MAP6: variants seen among roughly 807,000 people sequenced by gnomAD.
MAP6 encodes microtubule associated protein 6.
A neutral mutation model predicts 42.4 loss-of-function variants in MAP6; 26 were observed. The ratio of observed to expected loss-of-function variants is 0.61; its 90% confidence interval spans 0.45 to 0.85. MAP6 has a LOEUF of 0.85. MAP6 is among the 40% of genes least tolerant of loss of function. The pLI is 0.00. For missense variants in MAP6, 966 were observed against 1,099.0 expected, an observed-to-expected ratio of 0.88 and a Z score of 1.71; for synonymous variants, 418 against 443.8, an observed-to-expected ratio of 0.94 and a Z score of 0.73.
intron 1 of MAP6, among the ~76,000 whole-genome samples, chr11:75,630,082 G>A (rs1179509757): frequency 1.3e-5 from 2 of 152,188 alleles, no homozygotes; most frequent in Non-Finnish European, 2.9e-5. Context: ...ATGTGCTGCT[G>A]TAACTATCAT....
intron 3 of MAP6, among the ~76,000 whole-genome samples, chr11:75,589,235 C>A (rs1420206943): frequency 6.6e-6 from 1 of 152,230 alleles, no homozygotes; most frequent in African/African-American, 2.4e-5. Context: ...GTTCCCTCGC[C>A]TCACTGTGGC....
chr11:75,641,736 A>G (rs1247417898), intron 1 of MAP6, among the ~76,000 whole-genome samples: 1 of 152,238 alleles, frequency 6.6e-6, no homozygotes, highest in Non-Finnish European at 1.5e-5. Context: ...TTAAGCTTCC[A>G]GGTGAAGCTA....
At chr11:75,643,062 T>C (rs1943500428) in intron 1 of MAP6, among the ~76,000 whole-genome samples, 1 of 152,148 alleles carries the variant, frequency 6.6e-6, no homozygotes, top group African/African-American at 2.4e-5. Context: ...AGTAGAAATA[T>C]AAAAACTGAT....
intron 1 of MAP6, among the ~76,000 whole-genome samples, chr11:75,640,994 A>G (rs1247096457): frequency 6.6e-6 from 1 of 152,192 alleles, no homozygotes; most frequent in Non-Finnish European, 1.5e-5. Context: ...GTATATACCC[A>G]AAGGATTATA....
chr11:75,648,646 G>A (rs1319476246), intron 1 of MAP6, among the ~76,000 whole-genome samples: 1 of 152,074 alleles, frequency 6.6e-6, no homozygotes, highest in African/African-American at 2.4e-5. Flanking sequence ...ACACTAAAAT[G>A]AAAAATTTCT....
Position 75,651,651 on chromosome 11 carries a change from A to C in MAP6, c.905+15814T>G, listed in dbSNP as rs556217371. Among the ~76,000 whole-genome samples the C allele has an allele frequency of 3.3e-5, 5 of 152,348 alleles. No individual in the cohort carries two copies. The East Asian group carries it at 9.6e-4, about 29-fold the overall frequency. ...CTTGCGTTCTTGGTTGCTATGAGAG[A>C]TTGGCTGGTTATCCATTATATATAA... On this transcript the variant is annotated intron_variant, in intron 1 of 3. Coordinates refer to ENST00000304771, the MANE Select transcript of MAP6 (RefSeq NM_033063.2).
At chr11:75,637,058 C>T (rs1233508780) in intron 1 of MAP6, among the ~76,000 whole-genome samples, 1 of 152,208 alleles carries the variant, frequency 6.6e-6, no homozygotes, top group Non-Finnish European at 1.5e-5. Flanking sequence ...CCCTTTTCAA[C>T]AGCTATTAAT....
intron 1 of MAP6, among the ~76,000 whole-genome samples, chr11:75,645,955 G>T (rs528941468): frequency 6.6e-6 from 1 of 151,704 alleles, no homozygotes; most frequent in South Asian, 2.1e-4. Flanking sequence ...CTAGGGGAAA[G>T]AATAGAGAAA....
At position 75,667,694 on chromosome 11, in the gene MAP6, C is replaced by G; in HGVS notation, c.676G>C (p.Ala226Pro). 1.6e-6 allele frequency: 2 copies of G among 1,278,698 alleles called. No individual in the cohort carries two copies. Among genetic ancestry groups the G allele is most frequent in the Non-Finnish European group, 2.0e-6 (2 of 1,016,592 alleles). 79.2% of individuals were successfully genotyped at this position (1,278,698 alleles called of 1,614,324 possible). A position where few individuals can be genotyped will look rare whatever the true frequency, so the allele number is the denominator to read the frequency against. ...TCCGCCCCGGACGCCTTTCCGGCCG[C>G]CAGGCCACCCGCTCCGCCGGGGGCC... is the stretch of plus-strand genomic sequence containing the variant. Reference protein sequence around the residue: ...EAAPGGAGGLAAGKASGADER... With the variant: ...EAAPGGAGGLPAGKASGADER... The change falls in exon 1 of 4, where the codon GCG becomes CCG. Residue 226 changes from alanine (A) to proline (P), a missense_variant. By Grantham distance (27) the Ala-to-Pro change is conservative. Transcript: ENST00000304771. This position sits in a 1 kb window ranked among gnomAD's most constrained non-coding sequence, Gnocchi z 5.6.
chr11:75,602,612 T>C (rs1438635187), intron 3 of MAP6, among the ~76,000 whole-genome samples: 6 of 152,168 alleles, frequency 3.9e-5, no homozygotes, highest in Admixed American at 1.3e-4. Context: ...CCCGGCAACA[T>C]TGGATCAAAA....
At chr11:75,632,460 T>G (rs1202280962) in intron 1 of MAP6, among the ~76,000 whole-genome samples, 1 of 152,180 alleles carries the variant, frequency 6.6e-6, no homozygotes, top group Non-Finnish European at 1.5e-5. Context: ...TGAACTACTT[T>G]GTATGCCTTC....
chr11:75,587,652 C>G lies in MAP6; in HGVS notation c.1849G>C (p.Glu617Gln), dbSNP rs1942382854. 6.2e-7 allele frequency: 1 copy of G among 1,612,978 alleles called. No homozygotes were observed. The change falls in exon 4 of 4, where the codon GAA becomes CAA. Residue 617 changes from glutamate (E) to glutamine (Q), a missense_variant. Glu to Gln is a conservative substitution (Grantham distance 29, BLOSUM62 2). Transcript: ENST00000304771. The part of the protein sequence containing the change: ...GPIVPAPVKG[E>Q]GPIVPAPVKD... ...ACAGGTGCTGGGACTATGGGACCTT[C>G]ACCCTTGACAGGTGCTGGGACTATG...
intron 1 of MAP6, among the ~76,000 whole-genome samples, chr11:75,625,866 G>T (rs1261518167): frequency 6.6e-6 from 1 of 152,120 alleles, no homozygotes; most frequent in African/African-American, 2.4e-5. Context: ...TCCTCATCTG[G>T]AGGATCAAGG....
Position 75,667,451 on chromosome 11 carries a change from C to T in MAP6, c.905+14G>A, listed in dbSNP as rs1943968339. The T allele has an allele frequency of 3.4e-6, 5 of 1,468,578 alleles. No homozygotes were observed. The highest frequency in any genetic ancestry group is 1.5e-5 in the African/African-American group (1 of 68,294). The allele number at this position is 1,468,578 out of a possible 1,614,324, so 91.0% of individuals were successfully genotyped here. A position where few individuals can be genotyped will look rare whatever the true frequency, so the allele number is the denominator to read the frequency against. On this transcript the variant is annotated intron_variant, in intron 1 of 3. Transcript: ENST00000304771. The surrounding 1 kb of genome is among the most constrained non-coding windows in gnomAD (Gnocchi z 5.6). Reference sequence around the variant, plus strand: ...CGTGGTGACTCCCCCGCGCTAGCAGCGGCCGCGTCTCACCTGTAGGAGCTG... The same window carrying T: ...CGTGGTGACTCCCCCGCGCTAGCAGTGGCCGCGTCTCACCTGTAGGAGCTG...
Position 75,668,020 on chromosome 11 carries a change from G to C in MAP6, c.350C>G (p.Ala117Gly), listed in dbSNP as rs1336520003. ...GLGSGSTSGPADSVMRQDYRA... is the reference protein window; with the variant it reads ...GLGSGSTSGPGDSVMRQDYRA... Reference sequence around the variant, plus strand: ...GTAATCCTGCCGCATCACCGAGTCCGCGGGGCCGGAGGTGGAGCCGGAGCC... The same window carrying C: ...GTAATCCTGCCGCATCACCGAGTCCCCGGGGCCGGAGGTGGAGCCGGAGCC... Residue 117 changes from alanine to glycine, a missense_variant, in exon 1 of 4, where the codon GCG becomes GGG. Ala to Gly is a moderately conservative substitution (Grantham distance 60). Transcript: ENST00000304771. 10 of 1,234,926 alleles carry C rather than the reference G, an allele frequency of 8.1e-6. No individual in the cohort carries two copies. Among genetic ancestry groups the C allele is most frequent in the Non-Finnish European group, 9.1e-6 (9 of 988,822 alleles). The allele number at this position is 1,234,926 out of a possible 1,614,324, so 76.5% of individuals were successfully genotyped here. A position where few individuals can be genotyped will look rare whatever the true frequency, so the allele number is the denominator to read the frequency against.
chr11:75,649,837 C>T (rs1943619537), intron 1 of MAP6, among the ~76,000 whole-genome samples: 1 of 152,050 alleles, frequency 6.6e-6, no homozygotes, highest in Admixed American at 6.5e-5. Context: ...CCGCACCCAG[C>T]CTCAAATATA....
intron 3 of MAP6, among the ~76,000 whole-genome samples, chr11:75,598,546 T>G (rs1399696593): frequency 6.6e-6 from 1 of 152,234 alleles, no homozygotes; most frequent in African/African-American, 2.4e-5. Context: ...CATTGACTGC[T>G]CTCTGGTCTG....
intron 1 of MAP6, among the ~76,000 whole-genome samples, chr11:75,617,514 C>CAA (rs61477947): frequency 0.014 from 391 of 28,004 alleles, 23 homozygotes; most frequent in African/African-American, 0.023. Context: ...AGACTGTCTC[C>CAA]AAAAAAAAAA....
chr11:75,639,209 T>G (rs1306500360), intron 1 of MAP6, among the ~76,000 whole-genome samples: 1 of 152,176 alleles, frequency 6.6e-6, no homozygotes, highest in African/African-American at 2.4e-5. Context: ...ATACGCTATT[T>G]GGGTGATGGG....
Sources: allele counts gnomAD v4.1 joint callset (sites outside exome capture counted in the v4.1 genomes callset), GRCh38; gene constraint gnomAD v4.1.1; non-coding constraint Gnocchi (gnomAD v3.1); transcripts MANE v1.5; gene names NCBI Gene and HGNC (gene_info 2026-07-23, HGNC 2026-07-21).